NDFIP1: variants seen among roughly 807,000 people sequenced by gnomAD.
NDFIP1 encodes the protein NEDD4 family-interacting protein 1.
In NDFIP1, 7 loss-of-function variants were observed where a neutral mutation model predicts 28.8. The ratio of observed to expected loss-of-function variants is 0.24; its 90% CI spans 0.14 to 0.46. NDFIP1 has a LOEUF of 0.46. NDFIP1 is among the 20% of genes least tolerant of loss of function. The pLI is 0.99. For synonymous variants in NDFIP1, 92 were observed against 101.0 expected, an observed-to-expected ratio of 0.91 and a Z score of 0.53; for missense variants, 194 against 269.1, an observed-to-expected ratio of 0.72 and a Z score of 1.95.
At chr5:142,114,488 C>T (rs535005123) in intron 1 of NDFIP1, among the ~76,000 whole-genome samples, 15 of 152,164 alleles carry the variant, frequency 9.9e-5, no homozygotes, top group Non-Finnish European at 2.2e-4. Flanking sequence ...ATTTCAAACA[C>T]ATACAATAAT....
Position 142,153,252 on chromosome 5 carries a change from A to C in NDFIP1, c.*1524A>C, listed in dbSNP as rs1189518332. On this transcript the variant is annotated 3_prime_UTR_variant, in exon 8 of 8. Coordinates refer to ENST00000253814, the MANE Select transcript of NDFIP1 (RefSeq NM_030571.4). ...AGAGACCAGTTGTTTTTATGATATC[A>C]GCCATTTGATTTTTTTCATTTTCTA... The C allele has an allele frequency of 6.6e-6, 3 of 451,908 alleles. No individual in the cohort carries two copies. The highest frequency in any genetic ancestry group is 1.3e-5 in the Non-Finnish European group (3 of 226,286). 28.0% of individuals were successfully genotyped at this position (451,908 alleles called of 1,614,324 possible). A position where few individuals can be genotyped will look rare whatever the true frequency, so the allele number is the denominator to read the frequency against.
chr5:142,127,388 T>C (rs2126915683), intron 1 of NDFIP1, among the ~76,000 whole-genome samples: 1 of 152,244 alleles, frequency 6.6e-6, no homozygotes, highest in Non-Finnish European at 1.5e-5. Flanking sequence ...CCATGGCAGA[T>C]TGTGACATAT....
chr5:142,119,960 T>C (rs187410586), intron 1 of NDFIP1, among the ~76,000 whole-genome samples: 57 of 152,300 alleles, frequency 3.7e-4, no homozygotes, highest in Admixed American at 3.1e-3. Flanking sequence ...CAAATTATTA[T>C]TATTATTATT....
chr5:142,112,073 C>CCAAAA (rs1289543301), intron 1 of NDFIP1, among the ~76,000 whole-genome samples: 10 of 147,968 alleles, frequency 6.8e-5, no homozygotes, highest in African/African-American at 2.5e-4. Flanking sequence ...TCAAAAAAAA[C>CCAAAA]CAAAACAAAA....
intron 1 of NDFIP1, among the ~76,000 whole-genome samples, chr5:142,115,946 A>G (rs968384568): frequency 1.3e-5 from 2 of 152,246 alleles, no homozygotes; most frequent in East Asian, 3.8e-4. Context: ...TTTACATTGT[A>G]TTAAGTGTTA....
intron 1 of NDFIP1, among the ~76,000 whole-genome samples, chr5:142,113,538 T>C (rs767974886): frequency 2.6e-5 from 4 of 152,232 alleles, no homozygotes; most frequent in Non-Finnish European, 5.9e-5. Context: ...GGGTAAATTA[T>C]TCCTTTGAAA....
intron 6 of NDFIP1, among the ~76,000 whole-genome samples, chr5:142,142,821 G>A (rs1019396716): frequency 2.7e-5 from 4 of 149,898 alleles, no homozygotes; most frequent in Non-Finnish European, 3.0e-5. Flanking sequence ...CCAGCTACTT[G>A]GGAGGAGAAT....
At chr5:142,120,776 T>C (rs925964000) in intron 1 of NDFIP1, among the ~76,000 whole-genome samples, 3 of 152,244 alleles carry the variant, frequency 2.0e-5, no homozygotes, top group African/African-American at 7.2e-5. Context: ...ACCTAGCAGT[T>C]GAATACTTGT....
intron 1 of NDFIP1, among the ~76,000 whole-genome samples, chr5:142,117,449 G>A (rs1035601368): frequency 1.3e-5 from 2 of 151,714 alleles, no homozygotes; most frequent in African/African-American, 2.4e-5. Context: ...CACCATGTTG[G>A]CCAAGATGGT....
chr5:142,137,944 T>A (rs951220285), intron 5 of NDFIP1, 86 bp downstream of exon 5: 1 of 1,481,578 alleles, frequency 6.7e-7, no homozygotes, highest in Non-Finnish European at 9.1e-7. Context: ...TTTGCTTTTT[T>A]AAAAGTTATT....
At chr5:142,112,839 T>A (rs1012674119) in intron 1 of NDFIP1, among the ~76,000 whole-genome samples, 16 of 152,012 alleles carry the variant, frequency 1.1e-4, no homozygotes, top group African/African-American at 3.1e-4. Context: ...ATTTTATTTT[T>A]TTTTTCATTT....
chr5:142,152,814 A>G lies in NDFIP1; in HGVS notation c.*1086A>G, dbSNP rs79376167. On this transcript the variant is annotated 3_prime_UTR_variant, in exon 8 of 8. Coordinates refer to ENST00000253814, the MANE Select transcript of NDFIP1 (RefSeq NM_030571.4). ...ATTAGTGCTTAATTTCTTGGCTTGCATTTGTTGATTGCTAAGGCAATTTTT... is the reference window on the plus strand; with the variant it reads ...ATTAGTGCTTAATTTCTTGGCTTGCGTTTGTTGATTGCTAAGGCAATTTTT... 19 of 164,550 alleles carry G rather than the reference A, an allele frequency of 1.2e-4. No homozygotes were observed. The East Asian group carries it at 3.1e-3, about 26-fold the overall frequency. The allele number at this position is 164,550 out of a possible 1,614,324, so 10.2% of individuals were successfully genotyped here.
At chr5:142,127,892 G>A (rs1346131450) in intron 1 of NDFIP1, among the ~76,000 whole-genome samples, 1 of 152,178 alleles carries the variant, frequency 6.6e-6, no homozygotes, top group Non-Finnish European at 1.5e-5. Flanking sequence ...GGAGGCAGAG[G>A]TTGCAGTGAG....
chr5:142,124,085 C>A (rs10463349), intron 1 of NDFIP1, among the ~76,000 whole-genome samples: 1 of 152,046 alleles, frequency 6.6e-6, no homozygotes, highest in Non-Finnish European at 1.5e-5. Flanking sequence ...TACCGTTAAC[C>A]TCAAAGGCTC....
At position 142,151,971 on chromosome 5, in the gene NDFIP1, A is replaced by G. The variant is rs191076024; in HGVS notation, c.*243A>G. The stretch of plus-strand genomic sequence containing the variant: ...GTTAATGTTTGAAAAAGCTCTTGCA[A>G]TCAAGTCTGTGATGTATTAATAATG... On this transcript the variant is annotated 3_prime_UTR_variant, in exon 8 of 8. Transcript: ENST00000253814. 3.3e-4 allele frequency: 51 copies of G among 152,940 alleles called. No individual in the cohort carries two copies. The highest frequency in any genetic ancestry group is 1.2e-3 in the African/African-American group (51 of 41,594). 9.5% of individuals were successfully genotyped at this position (152,940 alleles called of 1,614,324 possible). A position where few individuals can be genotyped will look rare whatever the true frequency, so the allele number is the denominator to read the frequency against.
intron 7 of NDFIP1, among the ~76,000 whole-genome samples, chr5:142,146,448 A>G (rs1231898985): frequency 6.6e-6 from 1 of 152,212 alleles, no homozygotes; most frequent in Non-Finnish European, 1.5e-5. Flanking sequence ...TCAGATTGGA[A>G]TTTATAGTTA....
intron 1 of NDFIP1, among the ~76,000 whole-genome samples, chr5:142,128,089 C>CAT (rs971895031): frequency 2.0e-5 from 3 of 152,196 alleles, no homozygotes; most frequent in African/African-American, 7.2e-5. Context: ...CCTTGCCCAA[C>CAT]ATCTCTGTGC....
At chr5:142,113,457 T>G (rs540545073) in intron 1 of NDFIP1, among the ~76,000 whole-genome samples, 1 of 152,354 alleles carries the variant, frequency 6.6e-6, no homozygotes, top group African/African-American at 2.4e-5. Context: ...CAAAGTTTCT[T>G]AAGTTATATG....
intron 5 of NDFIP1, among the ~76,000 whole-genome samples, chr5:142,138,956 G>A (rs1161739020): frequency 7.3e-5 from 11 of 150,322 alleles, no homozygotes; most frequent in Admixed American, 1.3e-4. Context: ...GGTGGCTCAC[G>A]CCTGTAATCC....
Sources: gnomAD v4.1 joint callset for allele counts (sites outside exome capture counted in the v4.1 genomes callset) on GRCh38, gnomAD v4.1.1 for gene constraint, MANE v1.5 for transcripts, NCBI Gene and HGNC (gene_info 2026-07-23, HGNC 2026-07-21) for gene names.